Variants in ZNF391 observed in about 807,000 individuals in gnomAD.
ZNF391 encodes the protein zinc finger protein 391.
For missense variants in ZNF391, 375 were observed against 425.5 expected, an observed-to-expected ratio of 0.88 and a Z score of 1.04; for synonymous variants, 126 against 142.1, an observed-to-expected ratio of 0.89 and a Z score of 0.80.
At chr6:27,380,315 T>G (rs535615063) in intron 1 of ZNF391, among the ~76,000 whole-genome samples, 315 of 151,282 alleles carry the variant, frequency 2.1e-3, no homozygotes, top group Non-Finnish European at 3.6e-3. Flanking sequence ...CTCCTTCTAG[T>G]GGGTGCATAG....
chr6:27,398,085 A>G (rs947623706), intron 1 of ZNF391, among the ~76,000 whole-genome samples: 13 of 152,208 alleles, frequency 8.5e-5, no homozygotes, highest in African/African-American at 3.1e-4. Context: ...GAGGTTCTCC[A>G]TGCATGGCTT....
intron 1 of ZNF391, among the ~76,000 whole-genome samples, chr6:27,382,155 A>G (rs1237367366): frequency 6.6e-6 from 1 of 152,142 alleles, no homozygotes; most frequent in African/African-American, 2.4e-5. Context: ...AACATGGTGA[A>G]ACCCCGTCTC....
chr6:27,379,615 C>T (rs959824457), intron 1 of ZNF391, among the ~76,000 whole-genome samples: 8 of 13,956 alleles, frequency 5.7e-4, no homozygotes, highest in Non-Finnish European at 4.2e-4. Flanking sequence ...ACCAGGGGAC[C>T]CCCCCCCATA....
chr6:27,386,628 A>G (rs771416540), upstream of ZNF391, among the ~76,000 whole-genome samples: 60 of 152,316 alleles, frequency 3.9e-4, no homozygotes, highest in Non-Finnish European at 6.9e-4. Flanking sequence ...ATTGATTTTC[A>G]ACAAGTGCCA....
rs749102161 is a variant in ZNF391, at chr6:27,400,571, A to C, written c.201A>C (p.Leu67=). 1 of 1,614,220 alleles carries C rather than the reference A, an allele frequency of 6.2e-7. No homozygotes were observed. Among genetic ancestry groups the C allele is most frequent in the Non-Finnish European group, 8.5e-7 (1 of 1,180,034 alleles). Residue 67 remains leucine (L), a synonymous_variant, in exon 3 of 3, where the codon CTA becomes CTC. Coordinates refer to ENST00000244576, the MANE Select transcript of ZNF391 (RefSeq NM_001076781.3). ...GCCCTGAATCCAGTGAATTTAGTCTAAGCCCAAACCTTGACGCACAACAGA... is the reference window on the plus strand; with the variant it reads ...GCCCTGAATCCAGTGAATTTAGTCTCAGCCCAAACCTTGACGCACAACAGA... ...EEGPESSEFS[L]SPNLDAQQKI...
chr6:27,400,639 C>G lies in ZNF391; in HGVS notation c.269C>G (p.Ser90Cys). The G allele has an allele frequency of 1.2e-6, 2 of 1,614,148 alleles. No individual in the cohort carries two copies. Among genetic ancestry groups the G allele is most frequent in the Non-Finnish European group, 1.7e-6 (2 of 1,180,018 alleles). ...GHGSPISRKN[S>C]KDNSDLIKHQ... ...GGATCCCCAATATCTAGGAAAAACT[C>G]CAAAGATAATTCAGACTTAATTAAA... is the stretch of plus-strand genomic sequence containing the variant. Residue 90 changes from serine to cysteine, a missense_variant, in exon 3 of 3, where the codon TCC (serine) becomes TGC (cysteine). Physicochemically the swap from Ser to Cys is moderately radical, Grantham distance 112. Transcript: ENST00000244576.
rs754366544 is a variant in ZNF391, at chr6:27,400,620, C to T, written c.250C>T (p.Pro84Ser). The T allele has an allele frequency of 1.9e-6, 3 of 1,614,132 alleles. No individual in the cohort carries two copies. In the Admixed American group the frequency reaches 5.0e-5, roughly 27 times the overall value. ...QQKIPKGHGSPISRKNSKDNS... is the reference protein window; with the variant it reads ...QQKIPKGHGSSISRKNSKDNS... ...GAAAATTCCAAAGGGACATGGATCC[C>T]CAATATCTAGGAAAAACTCCAAAGA... The change falls in exon 3 of 3, where the codon CCA becomes TCA. Residue 84 changes from proline to serine, a missense_variant. By Grantham distance (74) the Pro-to-Ser change is moderately conservative. Coordinates refer to ENST00000244576, the MANE Select transcript of ZNF391 (RefSeq NM_001076781.3).
intron 1 of ZNF391, among the ~76,000 whole-genome samples, chr6:27,399,074 T>G (rs1761893252): frequency 6.6e-6 from 1 of 152,208 alleles, no homozygotes; most frequent in Non-Finnish European, 1.5e-5. Flanking sequence ...CAACCTAGAC[T>G]GTATTTCTAA....
At position 27,403,643 on chromosome 6, in the gene ZNF391, T is replaced by TAATTTAGC. The variant is rs540677626; in HGVS notation, c.*2198_*2205dup. Reference sequence around the variant, plus strand: ...AGTTTTAATCTAAATACATAGGGTTTAATTTAGCAGCATAATCTTTTTAGT... The same window carrying TAATTTAGC: ...AGTTTTAATCTAAATACATAGGGTTTAATTTAGCAATTTAGCAGCATAATCTTTTTAGT... On this transcript the variant is annotated 3_prime_UTR_variant, in exon 3 of 3. Transcript: ENST00000244576. 9.1e-4 allele frequency: 138 copies of TAATTTAGC among 152,362 alleles called. 1 individual carries two copies. Among genetic ancestry groups the TAATTTAGC allele is most frequent in the African/African-American group, 3.1e-3 (128 of 41,578 alleles). The allele number at this position is 152,362 out of a possible 1,614,324, so 9.4% of individuals were successfully genotyped here. A position where few individuals can be genotyped will look rare whatever the true frequency, so the allele number is the denominator to read the frequency against.
chr6:27,386,792 A>G (rs1162815998), upstream of ZNF391, among the ~76,000 whole-genome samples: 1 of 152,208 alleles, frequency 6.6e-6, no homozygotes, highest in African/African-American at 2.4e-5. Context: ...GCAAAACTAT[A>G]AAACTCTTAG....
At chr6:27,390,763 G>A (rs2113649143) in intron 1 of ZNF391, among the ~76,000 whole-genome samples, 1 of 152,300 alleles carries the variant, frequency 6.6e-6, no homozygotes, top group Non-Finnish European at 1.5e-5. Flanking sequence ...GATGAGCACA[G>A]CAATAGCATC....
At chr6:27,392,447 G>A (rs1761734643) in intron 1 of ZNF391, among the ~76,000 whole-genome samples, 1 of 152,100 alleles carries the variant, frequency 6.6e-6, no homozygotes, top group African/African-American at 2.4e-5. Flanking sequence ...TTAGAGATGG[G>A]GTTTCACCAT....
intron 1 of ZNF391, among the ~76,000 whole-genome samples, chr6:27,394,309 A>G (rs1761777437): frequency 6.6e-6 from 1 of 152,218 alleles, no homozygotes; most frequent in Non-Finnish European, 1.5e-5. Flanking sequence ...GCACCACTCC[A>G]GGAGGCTGCT....
chr6:27,387,643 A>G (rs1761606237), upstream of ZNF391, among the ~76,000 whole-genome samples: 1 of 152,210 alleles, frequency 6.6e-6, no homozygotes, highest in African/African-American at 2.4e-5. Flanking sequence ...ATAAATAGAC[A>G]AATATTGTAT....
chr6:27,396,658 T>C (rs1024924478), intron 1 of ZNF391, among the ~76,000 whole-genome samples: 1 of 152,014 alleles, frequency 6.6e-6, no homozygotes, highest in African/African-American at 2.4e-5. Flanking sequence ...CCTGGAGAGG[T>C]CAAGGCTGCA....
chr6:27,400,398 C>T lies in ZNF391; in HGVS notation c.28C>T (p.Gln10Ter). 1.9e-6 allele frequency: 3 copies of T among 1,612,292 alleles called. No homozygotes were observed. Among genetic ancestry groups the T allele is most frequent in the Non-Finnish European group, 2.5e-6 (3 of 1,179,404 alleles). Residue 10 changes from glutamine (Q) to a stop codon, truncating the protein, a stop_gained, in exon 3 of 3, where the codon CAG (glutamine) becomes TAG (stop). Coordinates refer to ENST00000244576, the MANE Select transcript of ZNF391 (RefSeq NM_001076781.3). LOFTEE classifies it low-confidence loss of function (END_TRUNC). ...GGAAAGCCTCAGAGGGAATACTGCTCAGGGTCCTACAAATGAAGAAGACTA... is the reference window on the plus strand; with the variant it reads ...GGAAAGCCTCAGAGGGAATACTGCTTAGGGTCCTACAAATGAAGAAGACTA... MESLRGNTAQGPTNEEDYKN... is the reference protein window; with the variant it reads MESLRGNTA
chr6:27,395,420 C>T (rs955644505), intron 1 of ZNF391, among the ~76,000 whole-genome samples: 2 of 152,138 alleles, frequency 1.3e-5, no homozygotes, highest in Admixed American at 1.3e-4. Flanking sequence ...TCCCCTTTCA[C>T]CTTCCGTTGT....
chr6:27,389,389 C>G (rs565043293), intron 1 of ZNF391: 1 of 455,924 alleles, frequency 2.2e-6, no homozygotes, highest in South Asian at 1.6e-5. Context: ...CAGGTGCTTA[C>G]TGAGTGCAGG....
At position 27,400,902 on chromosome 6, in the gene ZNF391, A is replaced by G. The variant is rs763377387; in HGVS notation, c.532A>G (p.Thr178Ala). Residue 178 changes from threonine (T) to alanine (A), a missense_variant, in exon 3 of 3, where the codon ACA (threonine) becomes GCA (alanine). Transcript: ENST00000244576. ...NECGKAFSRS[T>A]HLSLHQRIHT... is the part of the protein sequence containing the mutation. The stretch of plus-strand genomic sequence containing the variant: ...ATGTGGAAAAGCTTTTAGCCGGAGC[A>G]CACATCTTAGTCTACATCAGAGAAT... The G allele has an allele frequency of 2.5e-6, 4 of 1,614,110 alleles. No homozygotes were observed. Among genetic ancestry groups the G allele is most frequent in the Non-Finnish European group, 3.4e-6 (4 of 1,180,002 alleles).
Sources: allele counts gnomAD v4.1 joint callset (sites outside exome capture counted in the v4.1 genomes callset), GRCh38; gene constraint gnomAD v4.1.1; transcripts MANE v1.5; gene names NCBI Gene and HGNC (gene_info 2026-07-23, HGNC 2026-07-21).